Variants in BMPR1A observed in about 807,000 individuals in gnomAD.
The protein encoded by BMPR1A is bone morphogenetic protein receptor type-1A.
A neutral mutation model predicts 66.0 loss-of-function variants in BMPR1A; 7 were observed. The observed-to-expected ratio is 0.11, with a 90% confidence interval of 0.06 to 0.20. BMPR1A has a LOEUF of 0.20. BMPR1A is among the 10% of genes least tolerant of loss of function. The pLI, the probability that BMPR1A is intolerant of heterozygous loss-of-function variation, is 1.00. For missense variants in BMPR1A, 408 were observed against 669.1 expected, an observed-to-expected ratio of 0.61 and a Z score of 4.31; for synonymous variants, 200 against 229.7, an observed-to-expected ratio of 0.87 and a Z score of 1.17.
At chr10:86,803,004 C>CA (rs59957238) in intron 1 of BMPR1A, among the ~76,000 whole-genome samples, 11,399 of 75,728 alleles carry the variant, frequency 0.15, 1,173 homozygotes, top group African/African-American at 0.28. Flanking sequence ...GACCCGGTCT[C>CA]AAAAAAAAAA....
intron 1 of BMPR1A, among the ~76,000 whole-genome samples, chr10:86,796,811 A>G (rs1454630847): frequency 1.3e-5 from 2 of 151,902 alleles, no homozygotes; most frequent in East Asian, 3.9e-4. Context: ...TCTTAGCAGA[A>G]TATTGTCCCA....
chr10:86,840,899 C>T (rs969266968), intron 2 of BMPR1A, among the ~76,000 whole-genome samples: 1 of 152,188 alleles, frequency 6.6e-6, no homozygotes, highest in African/African-American at 2.4e-5. Context: ...CTTCACCATC[C>T]AAGTTTAGGT....
intron 7 of BMPR1A, among the ~76,000 whole-genome samples, chr10:86,904,520 G>C (rs1022630433): frequency 6.6e-6 from 1 of 152,152 alleles, no homozygotes; most frequent in African/African-American, 2.4e-5. Flanking sequence ...CAAAAATGAA[G>C]GTAATGTGAA....
chr10:86,882,418 G>A (rs1424148031), intron 3 of BMPR1A, among the ~76,000 whole-genome samples: 1 of 151,608 alleles, frequency 6.6e-6, no homozygotes, highest in Non-Finnish European at 1.5e-5. Context: ...GTGAGACCCT[G>A]TCTCAAAAAA....
chr10:86,769,150 C>A (rs941141454), intron 1 of BMPR1A, among the ~76,000 whole-genome samples: 24 of 152,146 alleles, frequency 1.6e-4, no homozygotes, highest in African/African-American at 5.6e-4. Context: ...ATCATCAGTA[C>A]TGGCAAATTG....
chr10:86,917,807 C>T (rs1449407798), intron 9 of BMPR1A, among the ~76,000 whole-genome samples: 2 of 152,198 alleles, frequency 1.3e-5, no homozygotes, highest in Non-Finnish European at 2.9e-5. Flanking sequence ...CCTGAGTTTT[C>T]TTTTCCCTTC....
intron 1 of BMPR1A, among the ~76,000 whole-genome samples, chr10:86,776,532 A>T (rs1841350400): frequency 6.6e-6 from 1 of 152,098 alleles, no homozygotes; most frequent in South Asian, 2.1e-4. Flanking sequence ...GAGGACACTG[A>T]TTGTTTTTTG....
chr10:86,764,532 A>C (rs1841133008), intron 1 of BMPR1A, among the ~76,000 whole-genome samples: 3 of 152,234 alleles, frequency 2.0e-5, no homozygotes. Flanking sequence ...TTTCTGAAGT[A>C]CTGCTTTGGT....
At chr10:86,810,179 C>T (rs1841949918) in intron 1 of BMPR1A, among the ~76,000 whole-genome samples, 2 of 152,042 alleles carry the variant, frequency 1.3e-5, no homozygotes, top group Admixed American at 1.3e-4. Context: ...CAGGGTTTCA[C>T]CATGTTGGCC....
At chr10:86,918,134 C>A (rs564328701) in intron 9 of BMPR1A, among the ~76,000 whole-genome samples, 1 of 152,208 alleles carries the variant, frequency 6.6e-6, no homozygotes, top group Non-Finnish European at 1.5e-5. Flanking sequence ...TGGCCTTCTC[C>A]CTGGGTGCCT....
chr10:86,869,327 G>A (rs1188210181), intron 2 of BMPR1A, among the ~76,000 whole-genome samples: 3 of 151,920 alleles, frequency 2.0e-5, no homozygotes, highest in Non-Finnish European at 4.4e-5. Flanking sequence ...ACGTGGTGGT[G>A]CGTACCTGTA....
chr10:86,879,445 G>C (rs940815861), intron 3 of BMPR1A, among the ~76,000 whole-genome samples: 1 of 152,224 alleles, frequency 6.6e-6, no homozygotes, highest in African/African-American at 2.4e-5. Context: ...GCTGAGAGTA[G>C]AGGGCTGCGC....
chr10:86,791,291 C>T (rs1017211524), intron 1 of BMPR1A, among the ~76,000 whole-genome samples: 2 of 151,172 alleles, frequency 1.3e-5, no homozygotes, highest in Non-Finnish European at 1.5e-5. Flanking sequence ...CGGCTCACTG[C>T]AAGCTCCGCC....
chr10:86,760,997 T>C (rs1376686903), intron 1 of BMPR1A, among the ~76,000 whole-genome samples: 1 of 152,170 alleles, frequency 6.6e-6, no homozygotes, highest in Non-Finnish European at 1.5e-5. Flanking sequence ...ATTCCGGAGA[T>C]GCTAAAATAT....
At chr10:86,859,185 G>T (rs577022945) in intron 2 of BMPR1A, among the ~76,000 whole-genome samples, 10 of 152,292 alleles carry the variant, frequency 6.6e-5, no homozygotes, top group Non-Finnish European at 1.2e-4. Flanking sequence ...TTCAATAAAT[G>T]GTGCTGGGAA....
intron 1 of BMPR1A, among the ~76,000 whole-genome samples, chr10:86,780,051 T>TA (rs1841412598): frequency 6.6e-6 from 1 of 152,204 alleles, no homozygotes; most frequent in Admixed American, 6.5e-5. Flanking sequence ...ATTACAGGCA[T>TA]GAGCCCCTGG....
intron 1 of BMPR1A, among the ~76,000 whole-genome samples, chr10:86,809,526 T>A (rs751922267): frequency 6.6e-6 from 1 of 151,804 alleles, no homozygotes; most frequent in Non-Finnish European, 1.5e-5. Context: ...ATTCCTGGGC[T>A]CAAGTGATCC....
At chr10:86,807,996 A>G (rs1480704941) in intron 1 of BMPR1A, among the ~76,000 whole-genome samples, 1 of 152,144 alleles carries the variant, frequency 6.6e-6, no homozygotes, top group Non-Finnish European at 1.5e-5. Flanking sequence ...TGAATTCTTG[A>G]CCTCAGGCAA....
intron 11 of BMPR1A, 73 bp downstream of exon 11, chr10:86,921,768 CTT>C: frequency 6.2e-7 from 1 of 1,600,158 alleles, no homozygotes. Context: ...AGTTATATAA[CTT>C]TTTAGTTTTT....
Sources: gnomAD v4.1 joint callset for allele counts (sites outside exome capture counted in the v4.1 genomes callset) on GRCh38, gnomAD v4.1.1 for gene constraint, MANE v1.5 for transcripts, NCBI Gene and HGNC (gene_info 2026-07-23, HGNC 2026-07-21) for gene names.